The following CDH13 variants were observed in gnomAD, a reference collection of about 807,000 sequenced individuals.
The protein encoded by CDH13 is cadherin 13, also known as cadherin-13.
Under a neutral mutation model 63.8 loss-of-function variants are expected in CDH13, and 24 were observed. That is an observed-to-expected ratio of 0.38 (90% CI 0.27 to 0.53). The LOEUF (loss-of-function observed/expected upper bound fraction) is 0.53, where lower values mean the gene tolerates loss of function less well. CDH13 is among the 20% of genes least tolerant of loss of function. The pLI is 0.85. For synonymous variants in CDH13, 503 were observed against 355.3 expected, an observed-to-expected ratio of 1.42 and a Z score of -4.67; for missense variants, 1,049 against 903.1, an observed-to-expected ratio of 1.16 and a Z score of -2.07.
At chr16:83,548,237 G>A (rs2075425561) in intron 7 of CDH13, among the ~76,000 whole-genome samples, 2 of 152,132 alleles carry the variant, frequency 1.3e-5, no homozygotes, top group African/African-American at 4.8e-5. Context: ...CCTTGGTGAT[G>A]GCTTATTTAG....
In CDH13 at chr16:83,633,152, T is replaced by G. The variant is rs115739295; in HGVS notation, c.1101+30558T>G. The stretch of plus-strand genomic sequence containing the variant: ...CAAGGTCTTCCTGATCTAAATCTTG[T>G]GCTGACCTCCTATCTCATCCTGTGA... On this transcript the variant is annotated intron_variant, in intron 8 of 13. Transcript: ENST00000567109. Among the ~76,000 whole-genome samples, 175 of 152,314 alleles carry G rather than the reference T, an allele frequency of 1.1e-3. 1 individual carries two copies. Among genetic ancestry groups the G allele is most frequent in the African/African-American group, 3.9e-3 (164 of 41,578 alleles).
chr16:82,885,151 G>A (rs1192807594), intron 2 of CDH13, among the ~76,000 whole-genome samples: 2 of 152,164 alleles, frequency 1.3e-5, no homozygotes, highest in African/African-American at 2.4e-5. Context: ...TACAAAGATG[G>A]ATGCATAATG....
chr16:83,530,425 C>T (rs950710848), intron 7 of CDH13, among the ~76,000 whole-genome samples: 5 of 152,272 alleles, frequency 3.3e-5, no homozygotes, highest in African/African-American at 4.8e-5. Context: ...TTCGTAGTCA[C>T]GGAATCAGGA....
intron 5 of CDH13, among the ~76,000 whole-genome samples, chr16:83,329,316 G>A (rs928627289): frequency 6.6e-6 from 1 of 152,024 alleles, no homozygotes; most frequent in South Asian, 2.1e-4. Flanking sequence ...ACCTCTGCTT[G>A]CTAGGTTCAA....
chr16:83,251,232 CTG>C (rs549454697), intron 5 of CDH13, among the ~76,000 whole-genome samples: 32 of 152,086 alleles, frequency 2.1e-4, no homozygotes, highest in Non-Finnish European at 4.1e-4. Context: ...TTTCTTACAA[CTG>C]TGTGTGAATC....
intron 3 of CDH13, among the ~76,000 whole-genome samples, chr16:83,100,418 C>G (rs1045767118): frequency 6.6e-6 from 1 of 152,144 alleles, no homozygotes; most frequent in Non-Finnish European, 1.5e-5. Context: ...AGAGAGGAAA[C>G]TGATGCTCAG....
intron 6 of CDH13, among the ~76,000 whole-genome samples, chr16:83,358,038 A>G (rs540157030): frequency 6.6e-6 from 1 of 152,326 alleles, no homozygotes; most frequent in South Asian, 2.1e-4. Flanking sequence ...CTGAAACTTC[A>G]AGAAGCTAGA....
intron 2 of CDH13, among the ~76,000 whole-genome samples, chr16:82,924,833 A>G (rs549545646): frequency 6.6e-6 from 1 of 152,284 alleles, no homozygotes; most frequent in South Asian, 2.1e-4. Context: ...ATTAGGCACA[A>G]ACTTTCTCAG....
chr16:83,151,174 T>A (rs923729050), intron 4 of CDH13, among the ~76,000 whole-genome samples: 3 of 152,160 alleles, frequency 2.0e-5, no homozygotes, highest in Non-Finnish European at 4.4e-5. Context: ...GCACGGAATA[T>A]CCCTGTAGGA....
At chr16:82,991,974 A>C (rs189345271) in intron 2 of CDH13, among the ~76,000 whole-genome samples, 416 of 152,324 alleles carry the variant, frequency 2.7e-3, no homozygotes, top group African/African-American at 9.2e-3. Flanking sequence ...CAATCATGTC[A>C]AAAATTTCAG....
intron 8 of CDH13, among the ~76,000 whole-genome samples, chr16:83,615,434 G>T (rs747467162): frequency 6.6e-6 from 1 of 152,112 alleles, no homozygotes; most frequent in African/African-American, 2.4e-5. Flanking sequence ...CTTTGAAGCC[G>T]ATTAAATGTT....
intron 7 of CDH13, among the ~76,000 whole-genome samples, chr16:83,514,478 C>T (rs191960924): frequency 2.7e-4 from 41 of 152,224 alleles, no homozygotes; most frequent in African/African-American, 9.4e-4. Flanking sequence ...ACCCAATCTC[C>T]ACTAAAAATA....
chr16:83,676,090 G>A (rs1195530120), intron 9 of CDH13, among the ~76,000 whole-genome samples: 12 of 152,286 alleles, frequency 7.9e-5, no homozygotes, highest in Non-Finnish European at 1.5e-5. Context: ...GAGGAGGAGG[G>A]AGGGAGGGAA....
chr16:83,102,030 C>T (rs1189400207), intron 3 of CDH13, among the ~76,000 whole-genome samples: 2 of 152,146 alleles, frequency 1.3e-5, no homozygotes, highest in African/African-American at 4.8e-5. Flanking sequence ...ATGTTATCAC[C>T]AGGGTCCTTA....
At position 83,460,280 on chromosome 16, in the gene CDH13, G is replaced by C. The variant is rs571749124; in HGVS notation, c.782-26197G>C. 9.8e-5 allele frequency among the ~76,000 whole-genome samples: 15 copies of C among 152,286 alleles called. No homozygotes were observed. The South Asian group carries it at 3.1e-3, about 32-fold the overall frequency. ...CAATAACAGGAAAACAGAGACCCTC[G>C]CTGACTGCTGTTCAGAGAGTAAATT... On this transcript the variant is annotated intron_variant, in intron 6 of 13. Coordinates refer to ENST00000567109, the MANE Select transcript of CDH13 (RefSeq NM_001257.5).
rs867804107 is a variant in CDH13, at chr16:83,478,855, A to G, written c.782-7622A>G. ...AGATGAGAAAAAAAAAAAAAAAAAG[A>G]AAAAAAGAAAAAGCTGAATGATGAG... On this transcript the variant is annotated intron_variant, in intron 6 of 13. Transcript: ENST00000567109. 3.1e-3 allele frequency among the ~76,000 whole-genome samples: 461 copies of G among 149,498 alleles called. 1 individual carries two copies. Among genetic ancestry groups the G allele is most frequent in the African/African-American group, 0.011 (441 of 40,374 alleles).
intron 2 of CDH13, among the ~76,000 whole-genome samples, chr16:83,023,770 A>G (rs897404168): frequency 1.3e-5 from 2 of 152,188 alleles, no homozygotes; most frequent in African/African-American, 2.4e-5. Flanking sequence ...ATGAAACACA[A>G]TGCAGGGCTG....
chr16:83,495,031 G>A (rs1314588480), intron 7 of CDH13, among the ~76,000 whole-genome samples: 1 of 152,018 alleles, frequency 6.6e-6, no homozygotes, highest in Non-Finnish European at 1.5e-5. Context: ...GACTTTCTTG[G>A]CCAACAGGCA....
intron 1 of CDH13, among the ~76,000 whole-genome samples, chr16:82,807,400 T>C (rs950132641): frequency 6.6e-6 from 1 of 152,128 alleles, no homozygotes; most frequent in African/African-American, 2.4e-5. Flanking sequence ...GCCTAATTGA[T>C]AGGAAGAGGT....
Sources: allele counts gnomAD v4.1 joint callset (sites outside exome capture counted in the v4.1 genomes callset), GRCh38; gene constraint gnomAD v4.1.1; transcripts MANE v1.5; gene names NCBI Gene and HGNC (gene_info 2026-07-23, HGNC 2026-07-21).